The following WNK1 variants were observed in gnomAD, a reference collection of about 807,000 sequenced individuals.
The protein encoded by WNK1 is WNK lysine deficient protein kinase 1, also known as serine/threonine-protein kinase WNK1.
A neutral mutation model predicts 222.8 loss-of-function variants in WNK1; 38 were observed. That is an observed-to-expected ratio of 0.17 (90% confidence interval 0.13 to 0.22). The LOEUF is 0.22. Ranked by LOEUF, WNK1 falls within the 10% of genes least tolerant of loss-of-function variation. The probability of loss-of-function intolerance (pLI) is 1.00; values close to 1 mark genes in which losing one functional copy is unlikely to be tolerated. For missense variants in WNK1, 2,348 were observed against 2,918.4 expected (o/e 0.80, Z 4.50); for synonymous variants, 1,090 against 1,092.9 (o/e 1.00, Z 0.05).
chr12:791,066 C>G (rs1269154956), intron 1 of WNK1, among the ~76,000 whole-genome samples: 1 of 151,928 alleles, frequency 6.6e-6, no homozygotes, highest in Non-Finnish European at 1.5e-5. Flanking sequence ...CCCAAGACAG[C>G]TTGATATTTG....
At chr12:846,362 A>G (rs964340388) in intron 4 of WNK1, among the ~76,000 whole-genome samples, 1 of 152,248 alleles carries the variant, frequency 6.6e-6, no homozygotes, top group African/African-American at 2.4e-5. Flanking sequence ...TGCTTTTAAA[A>G]TAATAAAAAC....
chr12:897,399 G>C, intron 24 of WNK1, 80 bp from the exon 25 acceptor site: 1 of 932,660 alleles, frequency 1.1e-6, no homozygotes, highest in Non-Finnish European at 1.8e-6. Context: ...CTTGAAAGCA[G>C]GTTTAGGAAT....
chr12:814,605 C>T (rs928294858), intron 2 of WNK1, among the ~76,000 whole-genome samples: 1 of 151,984 alleles, frequency 6.6e-6, no homozygotes, highest in Non-Finnish European at 1.5e-5. Context: ...AGAAATTTCC[C>T]GTTACTTATT....
chr12:767,615 A>T (rs1454518660), intron 1 of WNK1, among the ~76,000 whole-genome samples: 1 of 152,010 alleles, frequency 6.6e-6, no homozygotes, highest in Non-Finnish European at 1.5e-5. Context: ...TAATCCCCAA[A>T]TTTAGACTTT....
chr12:801,211 T>G (rs1945834849), intron 1 of WNK1, among the ~76,000 whole-genome samples: 1 of 152,232 alleles, frequency 6.6e-6, no homozygotes, highest in South Asian at 2.1e-4. Flanking sequence ...ACTGTCATTC[T>G]GAATTGTAAG....
At chr12:778,326 T>G (rs891338062) in intron 1 of WNK1, among the ~76,000 whole-genome samples, 11 of 151,984 alleles carry the variant, frequency 7.2e-5, no homozygotes, top group Admixed American at 6.6e-5. Context: ...TTTTTTCGTC[T>G]TTTCCTTTTT....
At chr12:776,013 A>G (rs964560499) in intron 1 of WNK1, among the ~76,000 whole-genome samples, 2 of 152,114 alleles carry the variant, frequency 1.3e-5, no homozygotes, top group Non-Finnish European at 2.9e-5. Context: ...TGCACGTTAA[A>G]ACTAATAGCT....
intron 1 of WNK1, among the ~76,000 whole-genome samples, chr12:761,500 A>G (rs1941013332): frequency 6.8e-6 from 1 of 148,130 alleles, no homozygotes; most frequent in Admixed American, 6.7e-5. Context: ...TCCTGCAGAT[A>G]CCTTTTGTGC....
intron 1 of WNK1, among the ~76,000 whole-genome samples, chr12:791,386 T>A (rs1010199820): frequency 1.3e-5 from 2 of 152,126 alleles, no homozygotes; most frequent in Non-Finnish European, 2.9e-5. Flanking sequence ...AGAGTGGCTG[T>A]TATAAATAAT....
intron 1 of WNK1, among the ~76,000 whole-genome samples, chr12:768,861 G>A (rs993911561): frequency 6.6e-5 from 10 of 151,724 alleles, no homozygotes; most frequent in Non-Finnish European, 1.3e-4. Context: ...CCAAACTGGA[G>A]TGCAGTGGTG....
intron 4 of WNK1, among the ~76,000 whole-genome samples, chr12:839,760 C>G (rs949600800): frequency 6.6e-6 from 1 of 152,032 alleles, no homozygotes; most frequent in Non-Finnish European, 1.5e-5. Context: ...CTCTGTCTTT[C>G]AGGCAGGAGT....
intron 1 of WNK1, among the ~76,000 whole-genome samples, chr12:792,890 G>A (rs142855246): frequency 8.5e-4 from 128 of 151,008 alleles, no homozygotes; most frequent in African/African-American, 3.0e-3. Flanking sequence ...TTCTTAATCA[G>A]GTCTAGTGAA....
rs114921744 is a variant in WNK1 at position 893,469 on chromosome 12, A to G, written c.5510-1093A>G. ...TCTACTAGCTGTATAAAATAAATAT[A>G]TCTCTAGAAAGAAACTCAAAGCATT... On this transcript the variant is annotated intron_variant, in intron 22 of 27. Transcript: ENST00000315939. Among the ~76,000 whole-genome samples, 739 of 152,274 alleles carry G rather than the reference A, an allele frequency of 4.9e-3. 6 individuals carry two copies. Among genetic ancestry groups the G allele is most frequent in the African/African-American group, 0.017 (698 of 41,540 alleles).
At chr12:837,921 A>G (rs1021482105) in intron 4 of WNK1, among the ~76,000 whole-genome samples, 16 of 152,134 alleles carry the variant, frequency 1.1e-4, no homozygotes, top group African/African-American at 3.9e-4. Flanking sequence ...TTATGTCACT[A>G]TAGGTTTTTC....
chr12:892,078 T>G (rs2154091304), intron 22 of WNK1, among the ~76,000 whole-genome samples: 1 of 145,304 alleles, frequency 6.9e-6, no homozygotes, highest in East Asian at 2.0e-4. Context: ...TTTTTTTTAA[T>G]TTTATTATTA....
chr12:888,998 T>C, intron 20 of WNK1, 142 bp from the exon 21 acceptor site: 1 of 743,728 alleles, frequency 1.3e-6, no homozygotes, highest in Non-Finnish European at 2.4e-6. Context: ...TAAATTTGAG[T>C]ATAGTTTTGT....
intron 1 of WNK1, among the ~76,000 whole-genome samples, chr12:762,514 C>G (rs1941164471): frequency 6.8e-6 from 1 of 147,320 alleles, no homozygotes; most frequent in East Asian, 1.9e-4. Flanking sequence ...TTAGTTGAAT[C>G]CATGGATGCA....
chr12:904,383 T>G (rs1368138581), intron 26 of WNK1: 1 of 1,224,568 alleles, frequency 8.2e-7, no homozygotes, highest in Non-Finnish European at 1.1e-6. Context: ...GTGTGCTGTT[T>G]GGAGATTCTA....
chr12:875,328 C>T (rs991367655), intron 9 of WNK1, among the ~76,000 whole-genome samples: 1 of 152,146 alleles, frequency 6.6e-6, no homozygotes, highest in Admixed American at 6.5e-5. Flanking sequence ...ATCGTACTCT[C>T]ATATTACAGG....
Sources: gnomAD v4.1 joint callset for allele counts (sites outside exome capture counted in the v4.1 genomes callset) on GRCh38, gnomAD v4.1.1 for gene constraint, MANE v1.5 for transcripts, NCBI Gene and HGNC (gene_info 2026-07-23, HGNC 2026-07-21) for gene names.